SYT16: variants seen among roughly 807,000 people sequenced by gnomAD.
The protein encoded by SYT16 is synaptotagmin 16.
A neutral mutation model predicts 61.4 loss-of-function variants in SYT16; 42 were observed. That is an observed-to-expected ratio of 0.68 (90% CI 0.53 to 0.89). The LOEUF is 0.89. SYT16 is among the 40% of genes least tolerant of loss of function. The probability of loss-of-function intolerance (pLI) is 0.00; values close to 1 mark genes in which losing one functional copy is unlikely to be tolerated. For missense variants in SYT16, 804 were observed against 807.3 expected (o/e 1.00, Z 0.05); for synonymous variants, 314 against 302.3 (o/e 1.04, Z -0.40).
At chr14:61,901,646 A>G (rs1248502855) in intron 1 of SYT16, among the ~76,000 whole-genome samples, 1 of 151,944 alleles carries the variant, frequency 6.6e-6, no homozygotes, top group Non-Finnish European at 1.5e-5. Context: ...TTTGAGTAGC[A>G]TGGTAACTGG....
intron 3 of SYT16, among the ~76,000 whole-genome samples, chr14:62,045,932 T>C (rs1228512021): frequency 6.6e-6 from 1 of 152,220 alleles, no homozygotes; most frequent in Non-Finnish European, 1.5e-5. Flanking sequence ...TGTGTCTTTA[T>C]AGCAGCATGA....
rs182107567 is a variant in SYT16, at chr14:62,044,127, A to G, written c.524-25476A>G. 1.7e-3 allele frequency among the ~76,000 whole-genome samples: 259 copies of G among 151,850 alleles called. 1 individual carries two copies. In the Middle Eastern group the frequency reaches 0.02, roughly 12 times the overall value. On this transcript the variant is annotated intron_variant, in intron 3 of 7. Transcript: ENST00000683842. ...AGGAGGGAGGATCATTTGAGCCCAG[A>G]AGTTTGAGGCTGCAGTGAGCTATGA...
At chr14:62,015,284 CA>C (rs72179383) in intron 3 of SYT16, among the ~76,000 whole-genome samples, 78,642 of 148,732 alleles carry the variant, frequency 0.53, 20,653 homozygotes, top group East Asian at 0.71. Context: ...GTTTCATTAA[CA>C]AAAAAAAAAA....
chr14:61,977,177 A>G (rs561047386), intron 2 of SYT16, among the ~76,000 whole-genome samples: 1 of 152,132 alleles, frequency 6.6e-6, no homozygotes, highest in East Asian at 1.9e-4. Flanking sequence ...GGAAGCTCCA[A>G]ATTTTCTCAC....
chr14:62,049,650 G>A (rs1439555643), intron 3 of SYT16, among the ~76,000 whole-genome samples: 1 of 152,058 alleles, frequency 6.6e-6, no homozygotes, highest in Non-Finnish European at 1.5e-5. Context: ...CTTCCTTCAG[G>A]AGCTCTTTTA....
At chr14:62,058,639 C>G (rs1243210963) in intron 3 of SYT16, among the ~76,000 whole-genome samples, 1 of 152,270 alleles carries the variant, frequency 6.6e-6, no homozygotes, top group East Asian at 1.9e-4. Context: ...GCTGGGATTA[C>G]AGGCATGAGC....
rs150051641 is a variant in SYT16 at position 61,815,409 on chromosome 14, C to T, written c.-325+2599C>T. Among the ~76,000 whole-genome samples the T allele has an allele frequency of 3.5e-3, 537 of 152,252 alleles. 5 individuals carry two copies. The highest frequency in any genetic ancestry group is 0.012 in the African/African-American group (495 of 41,530). Reference sequence around the variant, plus strand: ...TTCCCTCAACCCCCATTTTTCTCCCCCACAAAATTTCCCCTTGAGGGAAAA... The same window carrying T: ...TTCCCTCAACCCCCATTTTTCTCCCTCACAAAATTTCCCCTTGAGGGAAAA... On this transcript the variant is annotated intron_variant, in intron 1 of 7. Coordinates refer to ENST00000683842, the MANE Select transcript of SYT16 (RefSeq NM_001367656.1).
chr14:62,004,097 G>T (rs2053127498), intron 3 of SYT16, among the ~76,000 whole-genome samples: 1 of 152,118 alleles, frequency 6.6e-6, no homozygotes. Context: ...CTGCTATAAA[G>T]ACATACCGGA....
chr14:62,046,905 T>C (rs1380227324), intron 3 of SYT16, among the ~76,000 whole-genome samples: 1 of 152,240 alleles, frequency 6.6e-6, no homozygotes, highest in Non-Finnish European at 1.5e-5. Flanking sequence ...TCAGCTTTGC[T>C]CTTTTGGCTT....
At chr14:61,820,482 T>TG (rs1334478564) in intron 1 of SYT16, among the ~76,000 whole-genome samples, 7 of 134,508 alleles carry the variant, frequency 5.2e-5, no homozygotes, top group Admixed American at 2.2e-4. Context: ...TTTTTTTTTT[T>TG]TTTTTTTTTT....
intron 1 of SYT16, among the ~76,000 whole-genome samples, chr14:61,886,640 C>T (rs1340800118): frequency 6.6e-6 from 1 of 152,190 alleles, no homozygotes; most frequent in African/African-American, 2.4e-5. Context: ...TTCCAGTTCT[C>T]GTGCTATTTC....
At chr14:61,851,309 A>T (rs1258600968) in intron 1 of SYT16, among the ~76,000 whole-genome samples, 2 of 152,186 alleles carry the variant, frequency 1.3e-5, no homozygotes, top group Admixed American at 1.3e-4. Context: ...CCAGTCTATC[A>T]TTGATGGGCA....
intron 1 of SYT16, among the ~76,000 whole-genome samples, chr14:61,966,420 A>G (rs750115565): frequency 6.6e-6 from 1 of 152,138 alleles, no homozygotes; most frequent in Non-Finnish European, 1.5e-5. Flanking sequence ...ATATTTTCTA[A>G]TATTTTCCAA....
intron 2 of SYT16, among the ~76,000 whole-genome samples, chr14:61,986,237 C>T (rs2052304975): frequency 6.6e-6 from 1 of 151,866 alleles, no homozygotes; most frequent in South Asian, 2.1e-4. Flanking sequence ...ACCAGCTAAA[C>T]AACTTTTTTT....
At chr14:61,874,767 G>GT (rs2047433546) in intron 1 of SYT16, among the ~76,000 whole-genome samples, 1 of 143,056 alleles carries the variant, frequency 7.0e-6, no homozygotes, top group Non-Finnish European at 1.5e-5. Flanking sequence ...AATGCAGCAA[G>GT]ATTTTTTTTT....
intron 2 of SYT16, among the ~76,000 whole-genome samples, chr14:61,976,874 T>A (rs1409567036): frequency 6.6e-6 from 1 of 152,204 alleles, no homozygotes; most frequent in Non-Finnish European, 1.5e-5. Flanking sequence ...AGAAAATGTT[T>A]TTTTTTTTCT....
intron 1 of SYT16, among the ~76,000 whole-genome samples, chr14:61,954,204 C>T (rs1463929892): frequency 2.0e-5 from 3 of 152,078 alleles, no homozygotes; most frequent in South Asian, 2.1e-4. Context: ...TGTTTTTGCT[C>T]AGTTATCTGG....
At chr14:61,926,424 T>C (rs2049541329) in intron 1 of SYT16, among the ~76,000 whole-genome samples, 1 of 152,208 alleles carries the variant, frequency 6.6e-6, no homozygotes, top group Non-Finnish European at 1.5e-5. Context: ...GTATGGGGAA[T>C]GAGTGATGGG....
intron 1 of SYT16, among the ~76,000 whole-genome samples, chr14:61,895,126 G>C (rs2048281304): frequency 6.6e-6 from 1 of 152,128 alleles, no homozygotes; most frequent in Non-Finnish European, 1.5e-5. Context: ...TTATATCAGA[G>C]GAAGAATAAA....
Sources: gnomAD v4.1 joint callset for allele counts (sites outside exome capture counted in the v4.1 genomes callset) on GRCh38, gnomAD v4.1.1 for gene constraint, MANE v1.5 for transcripts, NCBI Gene and HGNC (gene_info 2026-07-23, HGNC 2026-07-21) for gene names.